HS3ST4: variants seen among roughly 807,000 people sequenced by gnomAD.
HS3ST4 encodes heparan sulfate glucosamine 3-O-sulfotransferase 4.
Under a neutral mutation model 29.2 loss-of-function variants are expected in HS3ST4, and 17 were observed. The ratio of observed to expected loss-of-function variants is 0.58; its 90% CI spans 0.40 to 0.87. HS3ST4 has a LOEUF of 0.87. Among genes scored for constraint, HS3ST4 ranks in the 40% least tolerant of loss-of-function variants. The pLI is 0.00. For synonymous variants in HS3ST4, 314 were observed against 285.7 expected (o/e 1.10, Z -1.00); for missense variants, 627 against 634.5 (o/e 0.99, Z 0.13).
At chr16:25,824,118 T>C (rs756595156) in intron 1 of HS3ST4, among the ~76,000 whole-genome samples, 4 of 152,130 alleles carry the variant, frequency 2.6e-5, no homozygotes, top group African/African-American at 7.2e-5. Flanking sequence ...GAGCTTGGGC[T>C]GAGAGGGCCC....
rs1398478422 is a variant in HS3ST4, at chr16:26,136,861, AAAG to A, written c.*616_*618del. ...AGAGGCATGCACATTCCTCACTGAA[AAAG>A]AAAACACACACCCACCCACACACAC... On this transcript the variant is annotated 3_prime_UTR_variant, in exon 2 of 2. Transcript: ENST00000331351. 1 of 153,402 alleles carries A rather than the reference AAAG, an allele frequency of 6.5e-6. No individual in the cohort carries two copies. The highest frequency in any genetic ancestry group is 1.4e-5 in the Non-Finnish European group (1 of 69,012). 9.5% of individuals were successfully genotyped at this position (153,402 alleles called of 1,614,324 possible). A position where few individuals can be genotyped will look rare whatever the true frequency, so the allele number is the denominator to read the frequency against.
chr16:26,009,572 C>G (rs1400880754), intron 1 of HS3ST4, among the ~76,000 whole-genome samples: 4 of 152,162 alleles, frequency 2.6e-5, no homozygotes, highest in Non-Finnish European at 4.4e-5. Context: ...GCAATAAGCT[C>G]GAGCTTCTGC....
At chr16:26,102,784 G>T (rs1350077341) in intron 1 of HS3ST4, among the ~76,000 whole-genome samples, 3 of 152,186 alleles carry the variant, frequency 2.0e-5, no homozygotes, top group Non-Finnish European at 4.4e-5. Context: ...CATTTCAGTT[G>T]CAGCAAGCTA....
chr16:25,920,485 C>G (rs1160705130), intron 1 of HS3ST4, among the ~76,000 whole-genome samples: 3 of 152,016 alleles, frequency 2.0e-5, no homozygotes, highest in Non-Finnish European at 4.4e-5. Flanking sequence ...CTTGCTGTTT[C>G]TCAAACACTC....
At position 25,859,900 on chromosome 16, in the gene HS3ST4, G is replaced by A. The variant is rs144932346; in HGVS notation, c.734+166749G>A. Among the ~76,000 whole-genome samples, 453 of 152,268 alleles carry A rather than the reference G, an allele frequency of 3.0e-3. 3 individuals are homozygous for A. Among genetic ancestry groups the A allele is most frequent in the African/African-American group, 0.01 (428 of 41,556 alleles). ...GTCTGTGGCCTGTTAGGATCCAGCC[G>A]CACAGTGGAAGGTGAGTGGCAGATA... On this transcript the variant is annotated intron_variant, in intron 1 of 1. Transcript: ENST00000331351.
At chr16:25,875,866 ATTCCCTGC>A in intron 1 of HS3ST4, among the ~76,000 whole-genome samples, 1 of 152,212 alleles carries the variant, frequency 6.6e-6, no homozygotes, top group South Asian at 2.1e-4. Flanking sequence ...CTTGCCCCTG[ATTCCCTGC>A]TTCCCACCAG....
chr16:26,095,176 A>G (rs912825143), intron 1 of HS3ST4, among the ~76,000 whole-genome samples: 2 of 152,208 alleles, frequency 1.3e-5, no homozygotes, highest in Non-Finnish European at 2.9e-5. Flanking sequence ...GGGAGACTTT[A>G]ACACCCCACT....
At chr16:25,824,871 G>A (rs1967200309) in intron 1 of HS3ST4, 1 of 152,180 alleles carries the variant, frequency 6.6e-6, no homozygotes, top group South Asian at 2.1e-4. Context: ...ATTCACATGT[G>A]GATGAGTGTT....
intron 1 of HS3ST4, among the ~76,000 whole-genome samples, chr16:25,925,959 A>C (rs1183916766): frequency 1.3e-5 from 2 of 151,914 alleles, no homozygotes; most frequent in Admixed American, 1.3e-4. Flanking sequence ...CCCATGCCAG[A>C]CCCTCTGTCT....
At chr16:25,784,860 T>C (rs780969733) in intron 1 of HS3ST4, among the ~76,000 whole-genome samples, 1 of 152,220 alleles carries the variant, frequency 6.6e-6, no homozygotes, top group African/African-American at 2.4e-5. Context: ...AGTCATTCTA[T>C]TGGAAGAAGA....
At chr16:25,718,686 A>C (rs1162913372) in intron 1 of HS3ST4, among the ~76,000 whole-genome samples, 1 of 152,184 alleles carries the variant, frequency 6.6e-6, no homozygotes, top group Non-Finnish European at 1.5e-5. Context: ...AGCCTCCAAG[A>C]ATGTTGAGTT....
At chr16:25,946,693 G>A (rs1051035818) in intron 1 of HS3ST4, among the ~76,000 whole-genome samples, 1 of 152,170 alleles carries the variant, frequency 6.6e-6, no homozygotes, top group African/African-American at 2.4e-5. Context: ...TGCAATAAGT[G>A]AAATGTAACA....
chr16:26,116,989 A>T (rs1899209957), intron 1 of HS3ST4, among the ~76,000 whole-genome samples: 1 of 152,234 alleles, frequency 6.6e-6, no homozygotes, highest in Non-Finnish European at 1.5e-5. Context: ...ATTTTGGATA[A>T]AGTATATTCA....
At chr16:25,995,279 G>C (rs1969149116) in intron 1 of HS3ST4, among the ~76,000 whole-genome samples, 1 of 152,156 alleles carries the variant, frequency 6.6e-6, no homozygotes, top group Non-Finnish European at 1.5e-5. Flanking sequence ...AGAATGTATT[G>C]GTCCATATAT....
intron 1 of HS3ST4, among the ~76,000 whole-genome samples, chr16:25,831,395 CTACACACACACACACACACACA>C (rs1413190999): frequency 3.0e-5 from 3 of 101,560 alleles, no homozygotes; most frequent in African/African-American, 1.1e-4. Flanking sequence ...GACCCCGTCT[CTACACACACACACACACACACA>C]CACACACACA....
intron 1 of HS3ST4, among the ~76,000 whole-genome samples, chr16:25,991,039 G>A (rs1350010381): frequency 2.0e-5 from 3 of 148,484 alleles, no homozygotes; most frequent in South Asian, 2.1e-4. Context: ...AACCCAGAGC[G>A]TCACCGGCCT....
intron 1 of HS3ST4, among the ~76,000 whole-genome samples, chr16:26,038,205 C>G (rs944220933): frequency 7.9e-5 from 12 of 152,102 alleles, no homozygotes; most frequent in African/African-American, 2.9e-4. Context: ...GAATGCTCTT[C>G]CCCGATTGCC....
At chr16:26,052,485 C>T (rs2141766364) in intron 1 of HS3ST4, among the ~76,000 whole-genome samples, 1 of 152,300 alleles carries the variant, frequency 6.6e-6, no homozygotes, top group Non-Finnish European at 1.5e-5. Flanking sequence ...ATTCTCCTGC[C>T]TCAGCCTCCT....
chr16:25,732,252 A>G (rs1458979913), intron 1 of HS3ST4, among the ~76,000 whole-genome samples: 1 of 152,198 alleles, frequency 6.6e-6, no homozygotes, highest in Non-Finnish European at 1.5e-5. Context: ...TTGGCATCAA[A>G]TAAGCATTAG....
Sources: gnomAD v4.1 joint callset for allele counts (sites outside exome capture counted in the v4.1 genomes callset) on GRCh38, gnomAD v4.1.1 for gene constraint, MANE v1.5 for transcripts, NCBI Gene and HGNC (gene_info 2026-07-23, HGNC 2026-07-21) for gene names.